Variants in SLC28A2 observed in about 807,000 individuals in gnomAD.
SLC28A2 encodes the protein solute carrier family 28 member 2.
In SLC28A2, 69 loss-of-function variants were observed where a neutral mutation model predicts 72.9. The observed-to-expected ratio is 0.95, with a 90% CI of 0.78 to 1.16. SLC28A2 has a LOEUF of 1.16. Ranked by LOEUF, SLC28A2 falls within the 50% of genes most tolerant of loss-of-function variation. The pLI, the probability that SLC28A2 is intolerant of heterozygous loss-of-function variation, is 0.00. For missense variants in SLC28A2, 745 were observed against 791.1 expected (o/e 0.94, Z 0.70); for synonymous variants, 296 against 294.1 (o/e 1.01, Z -0.07).
intron 13 of SLC28A2, among the ~76,000 whole-genome samples, chr15:45,269,099 A>G (rs947832416): frequency 1.2e-4 from 18 of 151,390 alleles, no homozygotes; most frequent in African/African-American, 4.1e-4. Context: ...GCACACCAGC[A>G]TGCCACATGT....
In SLC28A2 at chr15:45,268,281, C is replaced by A; in HGVS notation, c.1271C>A (p.Ala424Glu). 6.2e-7 allele frequency: 1 copy of A among 1,612,830 alleles called. No homozygotes were observed. Among genetic ancestry groups the A allele is most frequent in the Non-Finnish European group, 8.5e-7 (1 of 1,178,902 alleles). ...GCCATAGGCCTTGCTACTAATGTAG[C>A]AGCCAACCTGATTGCCTTTTTGGCT... is the stretch of plus-strand genomic sequence containing the variant. Reference protein sequence around the residue: ...VDAIGLATNVAANLIAFLAVL... With the variant: ...VDAIGLATNVEANLIAFLAVL... Residue 424 changes from alanine (A) to glutamate (E), a missense_variant, in exon 13 of 18, where the codon GCA becomes GAA. Ala to Glu is a moderately radical substitution (Grantham distance 107). Transcript: ENST00000347644.
chr15:45,261,648 A>G (rs983357242), intron 3 of SLC28A2, among the ~76,000 whole-genome samples: 22 of 152,320 alleles, frequency 1.4e-4, no homozygotes, highest in Admixed American at 2.0e-4. Context: ...AGGGATGGCC[A>G]AATTGCCTCT....
chr15:45,258,121 G>C (rs893520648), intron 3 of SLC28A2, among the ~76,000 whole-genome samples: 6 of 152,152 alleles, frequency 3.9e-5, no homozygotes, highest in Non-Finnish European at 7.4e-5. Context: ...TACTCGGGAG[G>C]CTGAGGCAGG....
At chr15:45,265,265 T>C in intron 8 of SLC28A2, 99 bp downstream of exon 8, 1 of 846,338 alleles carries the variant, frequency 1.2e-6, no homozygotes, top group Admixed American at 1.8e-5. Context: ...CGCCCCTGTA[T>C]ACCAATTTGA....
Position 45,253,476 on chromosome 15 carries a change from A to C in SLC28A2, c.126A>C (p.Gln42His), listed in dbSNP as rs750227433. Residue 42 changes from glutamine to histidine, a missense_variant, in exon 3 of 18, where the codon CAA becomes CAC. Gln to His is a conservative substitution (Grantham distance 24). Coordinates refer to ENST00000347644, the MANE Select transcript of SLC28A2 (RefSeq NM_004212.4). ...AGGGAAGCAAGAGGACTGACGCACA[A>C]GGACACAGCCTGGGGGATGGACTGG... ...EPEGSKRTDA[Q>H]GHSLGDGLGP... 35 of 1,613,916 alleles carry C rather than the reference A, an allele frequency of 2.2e-5. No individual in the cohort carries two copies. Among genetic ancestry groups the C allele is most frequent in the Non-Finnish European group, 2.9e-5 (34 of 1,179,904 alleles).
chr15:45,263,035 C>T (rs192607350), intron 4 of SLC28A2, 26 bp from the exon 5 acceptor site: 2 of 1,598,822 alleles, frequency 1.3e-6, no homozygotes, highest in African/African-American at 2.7e-5. Context: ...CCTTGCTGAT[C>T]TTTACTCTGC....
At chr15:45,261,883 C>G (rs1900174608) in intron 3 of SLC28A2, 132 bp from the exon 4 acceptor site, 1 of 710,058 alleles carries the variant, frequency 1.4e-6, no homozygotes, top group Non-Finnish European at 2.5e-6. Context: ...CTAACTTCCT[C>G]CTGGCTGAAG....
chr15:45,274,747 C>CCTT (rs1158089088), intron 17 of SLC28A2, among the ~76,000 whole-genome samples: 4 of 119,938 alleles, frequency 3.3e-5, no homozygotes, highest in African/African-American at 2.1e-4. Flanking sequence ...TTTGATTCTT[C>CCTT]TTTTTTTTTT....
chr15:45,266,201 G>A, intron 10 of SLC28A2, 40 bp downstream of exon 10: 1 of 1,410,274 alleles, frequency 7.1e-7, no homozygotes, highest in East Asian at 2.3e-5. Flanking sequence ...TCCCTCTGAG[G>A]AACTGAGAAT....
At position 45,271,820 on chromosome 15, in the gene SLC28A2, T is replaced by C. The variant is rs150847302; in HGVS notation, c.1649-475T>C. ...TGTTCTAGTCTTGATGCCTGATTAC[T>C]GTCCGATTATGAGACTGCCATCTAG... On this transcript the variant is annotated intron_variant, in intron 15 of 17. Transcript: ENST00000347644. 14 of 153,214 alleles carry C rather than the reference T, an allele frequency of 9.1e-5. No homozygotes were observed. In the East Asian group the frequency reaches 2.7e-3, roughly 30 times the overall value. 9.5% of individuals were successfully genotyped at this position (153,214 alleles called of 1,614,324 possible).
At position 45,272,697 on chromosome 15, in the gene SLC28A2, C is replaced by T. The variant is rs1407071952; in HGVS notation, c.1772C>T (p.Ala591Val). ...MAGILYVPRG[A>V]EADCVSFPNT... is the part of the protein sequence containing the mutation. ...GGAATCCTCTATGTCCCCAGGGGAG[C>T]TGAAGCTGACTGTGTCTCCTTCCCA... The change falls in exon 17 of 18, where the codon GCT (alanine) becomes GTT (valine). Residue 591 changes from alanine (A) to valine (V), a missense_variant. Ala to Val is a moderately conservative substitution (Grantham distance 64). Transcript: ENST00000347644. The T allele has an allele frequency of 1.9e-6, 3 of 1,608,626 alleles. No homozygotes were observed. The highest frequency in any genetic ancestry group is 2.6e-6 in the Non-Finnish European group (3 of 1,175,012).
At chr15:45,263,804 T>C in intron 5 of SLC28A2, 77 bp from the exon 6 acceptor site, 1 of 1,441,990 alleles carries the variant, frequency 6.9e-7, no homozygotes, top group Non-Finnish European at 9.4e-7. Flanking sequence ...AGTGAGAGAA[T>C]AACTTTCAGA....
intron 15 of SLC28A2, among the ~76,000 whole-genome samples, chr15:45,271,274 A>G (rs1372274262): frequency 6.6e-6 from 1 of 152,166 alleles, no homozygotes; most frequent in African/African-American, 2.4e-5. Context: ...CAAGTTAGAA[A>G]TGGATCTTAG....
chr15:45,265,064 T>G, intron 7 of SLC28A2, 25 bp from the exon 8 acceptor site: 4 of 1,560,764 alleles, frequency 2.6e-6, no homozygotes, highest in Non-Finnish European at 3.5e-6. Flanking sequence ...TCTTATTCTC[T>G]GTCTTTTTCT....
Position 45,263,160 on chromosome 15 carries a change from C to A in SLC28A2, c.362C>A (p.Ser121Ter). ...TCLVIFVLVH[S>*]FLKKLLGKKL... is the part of the protein sequence containing the mutation. ...TTGGTGATCTTTGTCCTGGTTCACT[C>A]GTTTTTGAAAAAGCTCCTGGGCAAA... The change falls in exon 5 of 18, where the codon TCG (serine) becomes TAG (stop). Residue 121 changes from serine (S) to a stop codon, truncating the protein, a stop_gained. Transcript: ENST00000347644. LOFTEE classifies it high-confidence loss of function. The A allele has an allele frequency of 1.2e-6, 2 of 1,614,004 alleles. No homozygotes were observed. The highest frequency in any genetic ancestry group is 1.1e-5 in the South Asian group (1 of 91,084).
At chr15:45,268,778 CAAT>C (rs775685833) in intron 13 of SLC28A2, among the ~76,000 whole-genome samples, 47 of 152,126 alleles carry the variant, frequency 3.1e-4, no homozygotes, top group South Asian at 1.2e-3. Context: ...AAATGTCCAA[CAAT>C]GATAGACTGG....
intron 3 of SLC28A2, 69 bp from the exon 4 acceptor site, chr15:45,261,946 T>C: frequency 1.0e-6 from 1 of 976,990 alleles, no homozygotes; most frequent in Non-Finnish European, 1.7e-6. Context: ...GTAATCTGAA[T>C]TCTGAGAGTT....
intron 4 of SLC28A2, among the ~76,000 whole-genome samples, 190 bp from the exon 5 acceptor site, chr15:45,262,871 C>T (rs994464506): frequency 2.1e-4 from 32 of 152,166 alleles, no homozygotes; most frequent in African/African-American, 7.7e-4. Flanking sequence ...CCTTGGGGAT[C>T]CTCAAGAAGA....
At position 45,262,164 on chromosome 15, in the gene SLC28A2, G is replaced by C. The variant is rs1211591015; in HGVS notation, c.262+58G>C. ...CACAGTTATTTTAGAAATTTGCCTT[G>C]TGTCAAGGTGATTACCAGGTGGAAG... On this transcript the variant is annotated intron_variant, in intron 4 of 17. Transcript: ENST00000347644. 2.5e-5 allele frequency: 31 copies of C among 1,248,750 alleles called. No homozygotes were observed. In the Admixed American group the frequency reaches 5.1e-4, roughly 21 times the overall value. The allele number at this position is 1,248,750 out of a possible 1,614,324, so 77.4% of individuals were successfully genotyped here.
Sources: allele counts gnomAD v4.1 joint callset (sites outside exome capture counted in the v4.1 genomes callset), GRCh38; gene constraint gnomAD v4.1.1; transcripts MANE v1.5; gene names NCBI Gene and HGNC (gene_info 2026-07-23, HGNC 2026-07-21).